WWOX: variants seen among roughly 807,000 people sequenced by gnomAD.
The protein encoded by WWOX is WW domain containing oxidoreductase.
A neutral mutation model predicts 46.2 loss-of-function variants in WWOX; 69 were observed. That is an observed-to-expected ratio of 1.49 (90% CI 1.23 to 1.82). The LOEUF is 1.82. Among genes scored for constraint, WWOX ranks in the 40% most tolerant of loss-of-function variants. The pLI is 0.00. For synonymous variants in WWOX, 359 were observed against 202.6 expected (o/e 1.77, Z -6.56); for missense variants, 919 against 542.6 (o/e 1.69, Z -6.89).
intron 8 of WWOX, among the ~76,000 whole-genome samples, chr16:78,951,564 A>G (rs1256285525): frequency 6.6e-6 from 1 of 152,232 alleles, no homozygotes; most frequent in Non-Finnish European, 1.5e-5. Flanking sequence ...TATTAAAAAG[A>G]CAAAAACAAC....
intron 4 of WWOX, among the ~76,000 whole-genome samples, chr16:78,138,911 C>T (rs1002590908): frequency 1.3e-5 from 2 of 152,188 alleles, no homozygotes; most frequent in African/African-American, 2.4e-5. Flanking sequence ...TCCCCCCATG[C>T]AACTGTTTCT....
At chr16:78,531,701 G>C (rs935008010) in intron 8 of WWOX, among the ~76,000 whole-genome samples, 2 of 151,814 alleles carry the variant, frequency 1.3e-5, no homozygotes, top group Non-Finnish European at 2.9e-5. Flanking sequence ...AAATTTTTTT[G>C]TATTTTGGGA....
At chr16:78,440,896 C>T (rs1229965687) in intron 8 of WWOX, among the ~76,000 whole-genome samples, 1 of 152,080 alleles carries the variant, frequency 6.6e-6, no homozygotes, top group Non-Finnish European at 1.5e-5. Context: ...GGTGGGATTC[C>T]AGGCATGAGC....
chr16:78,408,645 T>A (rs1269248241), intron 6 of WWOX, among the ~76,000 whole-genome samples: 1 of 152,226 alleles, frequency 6.6e-6, no homozygotes, highest in Non-Finnish European at 1.5e-5. Context: ...CTTGTGTCAT[T>A]CCGTTGTGCC....
intron 5 of WWOX, among the ~76,000 whole-genome samples, chr16:78,314,712 TTTTTTTTTTC>T (rs2080325675): frequency 1.4e-5 from 2 of 138,552 alleles, no homozygotes; most frequent in East Asian, 2.1e-4. Context: ...TTTTTTTTTT[TTTTTTTTTTC>T]TGTATTTTCA....
At chr16:79,108,695 A>G (rs1478726380) in intron 8 of WWOX, among the ~76,000 whole-genome samples, 1 of 152,140 alleles carries the variant, frequency 6.6e-6, no homozygotes, top group Non-Finnish European at 1.5e-5. Context: ...TGAGCCCAGG[A>G]GTTTGAGACC....
At chr16:78,920,456 T>C (rs62038098) in intron 8 of WWOX, among the ~76,000 whole-genome samples, 20,710 of 152,200 alleles carry the variant, frequency 0.14, 1,705 homozygotes, top group African/African-American at 0.22. Flanking sequence ...TTTGGACCTG[T>C]GATTTTCGCT....
chr16:78,583,614 T>G (rs945330156), intron 8 of WWOX, among the ~76,000 whole-genome samples: 1 of 152,290 alleles, frequency 6.6e-6, no homozygotes, highest in East Asian at 1.9e-4. Context: ...CAAGCTGGGA[T>G]TGACCCAGTG....
At chr16:79,143,498 C>G (rs986697418) in intron 8 of WWOX, among the ~76,000 whole-genome samples, 1 of 152,144 alleles carries the variant, frequency 6.6e-6, no homozygotes, top group Admixed American at 6.5e-5. Flanking sequence ...ATTTTACTAG[C>G]TAGGACAAAC....
intron 8 of WWOX, among the ~76,000 whole-genome samples, chr16:79,020,409 G>C (rs56033560): frequency 0.091 from 13,837 of 152,126 alleles, 1,022 homozygotes; most frequent in African/African-American, 0.2. Context: ...CACCATGAGC[G>C]ATAACTTAAC....
chr16:78,596,911 C>T (rs774131803), intron 8 of WWOX, among the ~76,000 whole-genome samples: 1 of 152,196 alleles, frequency 6.6e-6, no homozygotes, highest in Non-Finnish European at 1.5e-5. Context: ...GCAAGCCCCA[C>T]ACTCTCTTGA....
intron 8 of WWOX, among the ~76,000 whole-genome samples, chr16:78,661,124 G>A (rs2047200644): frequency 6.6e-6 from 1 of 152,298 alleles, no homozygotes; most frequent in Middle Eastern, 3.4e-3. Flanking sequence ...CAAAGGCACT[G>A]TGTACACCTT....
At chr16:78,699,236 C>A (rs1447692032) in intron 8 of WWOX, among the ~76,000 whole-genome samples, 1 of 152,182 alleles carries the variant, frequency 6.6e-6, no homozygotes, top group Non-Finnish European at 1.5e-5. Flanking sequence ...CTCAGTTAAA[C>A]ATTACAAGTT....
intron 8 of WWOX, among the ~76,000 whole-genome samples, chr16:78,653,411 C>G (rs1177356261): frequency 1.3e-5 from 2 of 152,200 alleles, no homozygotes; most frequent in Non-Finnish European, 2.9e-5. Context: ...ATCCTTTTGC[C>G]TCTAATGATT....
chr16:78,166,279 T>G (rs1216999697), intron 5 of WWOX, among the ~76,000 whole-genome samples: 1 of 152,174 alleles, frequency 6.6e-6, no homozygotes, highest in African/African-American at 2.4e-5. Flanking sequence ...CTATAACCAG[T>G]CTTCCCTTTG....
intron 8 of WWOX, among the ~76,000 whole-genome samples, chr16:79,011,444 T>G (rs2047305655): frequency 6.7e-6 from 1 of 148,546 alleles, no homozygotes; most frequent in Non-Finnish European, 1.5e-5. Flanking sequence ...ATAGTCTTCC[T>G]TTTTTTATTT....
At chr16:78,619,156 T>A (rs367978596) in intron 8 of WWOX, among the ~76,000 whole-genome samples, 753 of 1,532 alleles carry the variant, frequency 0.49, 207 homozygotes, top group Non-Finnish European at 0.57. Context: ...TATATATATA[T>A]ATATATATAT....
At chr16:79,042,362 G>A (rs1327832788) in intron 8 of WWOX, among the ~76,000 whole-genome samples, 1 of 152,168 alleles carries the variant, frequency 6.6e-6, no homozygotes, top group Non-Finnish European at 1.5e-5. Flanking sequence ...TTGCCTAGCA[G>A]GGCCTGGAGC....
intron 8 of WWOX, among the ~76,000 whole-genome samples, chr16:79,175,847 C>T (rs186606311): frequency 6.6e-6 from 1 of 152,298 alleles, no homozygotes; most frequent in East Asian, 1.9e-4. Flanking sequence ...TCCTGCTCCC[C>T]ACTCCCCTAA....
Sources: gnomAD v4.1 joint callset for allele counts (sites outside exome capture counted in the v4.1 genomes callset) on GRCh38, gnomAD v4.1.1 for gene constraint, MANE v1.5 for transcripts, NCBI Gene and HGNC (gene_info 2026-07-23, HGNC 2026-07-21) for gene names.